The following ATAD5 variants were observed in gnomAD, a reference collection of about 807,000 sequenced individuals.
ATAD5 encodes ATPase family AAA domain-containing protein 5.
Under a neutral mutation model 176.9 loss-of-function variants are expected in ATAD5, and 58 were observed. That is an observed-to-expected ratio of 0.33 (90% CI 0.27 to 0.41). The LOEUF is 0.41. Among genes scored for constraint, ATAD5 ranks in the 10% least tolerant of loss-of-function variants. The probability of loss-of-function intolerance (pLI) is 1.00; values close to 1 mark genes in which losing one functional copy is unlikely to be tolerated. For synonymous variants in ATAD5, 640 were observed against 712.6 expected, an observed-to-expected ratio of 0.90 and a Z score of 1.62; for missense variants, 1,789 against 2,094.1, an observed-to-expected ratio of 0.85 and a Z score of 2.84.
intron 10 of ATAD5, chr17:30,863,839 A>C (rs1176507338): frequency 1.3e-5 from 2 of 151,574 alleles, no homozygotes; most frequent in Non-Finnish European, 2.9e-5. Context: ...TAATTTTTAT[A>C]TTTTTAGTAG....
At position 30,869,857 on chromosome 17, in the gene ATAD5, G is replaced by A. The variant is rs1908239773; in HGVS notation, c.3607+211G>A. 1.8e-5 allele frequency: 10 copies of A among 541,782 alleles called. No homozygotes were observed. In the South Asian group the frequency reaches 2.2e-4, roughly 12 times the overall value. The allele number at this position is 541,782 out of a possible 1,614,324, so 33.6% of individuals were successfully genotyped here. On this transcript the variant is annotated intron_variant, in intron 14 of 22. Coordinates refer to ENST00000321990, the MANE Select transcript of ATAD5 (RefSeq NM_024857.5). ...TCAATATTTATCTCTATCTGATAAG[G>A]ACTTTTAAAAAAGCATAACTATAAT...
chr17:30,845,021 T>G, intron 6 of ATAD5, 105 bp downstream of exon 6: 1 of 1,038,328 alleles, frequency 9.6e-7, no homozygotes, highest in Non-Finnish European at 1.4e-6. Context: ...TTTGAAGCTC[T>G]AGTAAGTCCA....
At chr17:30,866,554 C>T (rs1907995757) in intron 11 of ATAD5, among the ~76,000 whole-genome samples, 1 of 151,390 alleles carries the variant, frequency 6.6e-6, no homozygotes, top group Admixed American at 6.6e-5. Flanking sequence ...GTGGCTCACA[C>T]CTGTAATCCC....
chr17:30,887,775 C>T (rs1256238545), intron 19 of ATAD5, among the ~76,000 whole-genome samples: 1 of 152,060 alleles, frequency 6.6e-6, no homozygotes, highest in Admixed American at 6.5e-5. Context: ...ATGATTATGC[C>T]ACTGCACTCC....
In ATAD5 at chr17:30,855,225, T is replaced by G; in HGVS notation, c.2533T>G (p.Leu845Val). 2 of 1,614,114 alleles carry G rather than the reference T, an allele frequency of 1.2e-6. No individual in the cohort carries two copies. The highest frequency in any genetic ancestry group is 1.7e-6 in the Non-Finnish European group (2 of 1,179,998). The change falls in exon 7 of 23, where the codon TTG (leucine) becomes GTG (valine). Residue 845 changes from leucine (L) to valine (V), a missense_variant. This residue lies in a region of ATAD5 where 487 missense variants were observed against 573.6 expected (regional missense o/e 0.85). Transcript: ENST00000321990. ...CTTCCTAATGAGTGGTTTGCCAGAT[T>G]TGTTGAAACGGCAAATTGCAAAGAA... is the stretch of plus-strand genomic sequence containing the variant. The part of the protein sequence containing the change: ...RDFLMSGLPD[L>V]LKRQIAKKAA...
chr17:30,835,556 C>G lies in ATAD5; in HGVS notation c.1475C>G (p.Pro492Arg). Residue 492 changes from proline to arginine, a missense_variant, in exon 2 of 23, where the codon CCA becomes CGA. Coordinates refer to ENST00000321990, the MANE Select transcript of ATAD5 (RefSeq NM_024857.5). ...NKKTLDTGAI[P>R]GKNREGNTQK... ...AAAACATTAGATACTGGGGCTATTC[C>G]AGGCAAAAACAGAGAGGGAAACACT... 6.2e-7 allele frequency: 1 copy of G among 1,611,052 alleles called. No homozygotes were observed. Among genetic ancestry groups the G allele is most frequent in the Non-Finnish European group, 8.5e-7 (1 of 1,178,846 alleles).
chr17:30,888,408 G>A (rs910286677), intron 19 of ATAD5, among the ~76,000 whole-genome samples: 4 of 151,878 alleles, frequency 2.6e-5, no homozygotes, highest in African/African-American at 9.7e-5. Context: ...GCTGGGCATG[G>A]TGGTGCGTGT....
chr17:30,875,576 C>T (rs147036268), intron 14 of ATAD5, among the ~76,000 whole-genome samples: 4,081 of 151,836 alleles, frequency 0.027, 199 homozygotes, highest in African/African-American at 0.092. Context: ...GCAGGCGGAT[C>T]GCTTGAGCTC....
chr17:30,886,949 C>A (rs1272428767), intron 18 of ATAD5, among the ~76,000 whole-genome samples: 4 of 152,130 alleles, frequency 2.6e-5, no homozygotes, highest in Admixed American at 2.6e-4. Flanking sequence ...GTTGGAGAAT[C>A]TCCTATAAAA....
intron 5 of ATAD5, among the ~76,000 whole-genome samples, chr17:30,844,254 C>T (rs1487667452): frequency 6.6e-6 from 1 of 152,090 alleles, no homozygotes; most frequent in Non-Finnish European, 1.5e-5. Flanking sequence ...GCCTCAGCCT[C>T]CTGAGTAGCT....
intron 17 of ATAD5, among the ~76,000 whole-genome samples, chr17:30,878,726 T>TTGTTTTG (rs1567696521): frequency 9.0e-5 from 8 of 89,054 alleles, no homozygotes; most frequent in Non-Finnish European, 1.6e-4. Flanking sequence ...GTGTTTTTTT[T>TTGTTTTG]TTTTTTTTTT....
At position 30,834,306 on chromosome 17, in the gene ATAD5, G is replaced by T; in HGVS notation, c.225G>T (p.Lys75Asn). 3 of 1,613,310 alleles carry T rather than the reference G, an allele frequency of 1.9e-6. No homozygotes were observed. The highest frequency in any genetic ancestry group is 3.3e-4 in the Middle Eastern group (2 of 6,054). The change falls in exon 2 of 23, where the codon AAG (lysine) becomes AAT (asparagine). Residue 75 changes from lysine (K) to asparagine (N), a missense_variant. Coordinates refer to ENST00000321990, the MANE Select transcript of ATAD5 (RefSeq NM_024857.5). The stretch of plus-strand genomic sequence containing the variant: ...GAAAGACTTCACCCACAAATGAGAA[G>T]ACACAATTAGGGAAAGAGTGCAAGA... ...YFRKTSPTNE[K>N]TQLGKECKIK... is the part of the protein sequence containing the mutation.
In ATAD5 at chr17:30,834,866, T is replaced by G; in HGVS notation, c.785T>G (p.Ile262Arg). ...GAAGCAGCCCAGTTAAATGATAGTA[T>G]AATAACTGTCTCATATGAGGAATTT... The part of the protein sequence containing the change: ...VTEAAQLNDS[I>R]ITVSYEEFLK... The change falls in exon 2 of 23, where the codon ATA becomes AGA. Residue 262 changes from isoleucine to arginine, a missense_variant. Coordinates refer to ENST00000321990, the MANE Select transcript of ATAD5 (RefSeq NM_024857.5). 1.2e-6 allele frequency: 2 copies of G among 1,613,560 alleles called. No individual in the cohort carries two copies. The highest frequency in any genetic ancestry group is 2.7e-5 in the African/African-American group (2 of 75,028).
chr17:30,877,867 T>C (rs753841344), intron 16 of ATAD5, 136 bp from the exon 17 acceptor site: 8 of 688,946 alleles, frequency 1.2e-5, no homozygotes, highest in Non-Finnish European at 1.6e-5. Context: ...GTGTATGACA[T>C]AAACTTTCAA....
Position 30,874,843 on chromosome 17 carries a change from C to G in ATAD5, c.3608-1531C>G, listed in dbSNP as rs570744374. On this transcript the variant is annotated intron_variant, in intron 14 of 22. Transcript: ENST00000321990. ...ACACGGTTTCACCATGTTGGCCAGG[C>G]TGGTCTCAAACTTCTGACCTTGTGA... Among the ~76,000 whole-genome samples the G allele has an allele frequency of 2.6e-5, 4 of 151,902 alleles. No homozygotes were observed. In the East Asian group the frequency reaches 5.9e-4, roughly 22 times the overall value.
chr17:30,858,851 TATTTTTTA>T (rs1336693241), intron 9 of ATAD5, among the ~76,000 whole-genome samples: 1 of 152,222 alleles, frequency 6.6e-6, no homozygotes, highest in Non-Finnish European at 1.5e-5. Context: ...TAGCTTATTT[TATTTTTTA>T]ATTTTTACTT....
chr17:30,879,640 G>A (rs1000324783), intron 18 of ATAD5, among the ~76,000 whole-genome samples, 153 bp downstream of exon 18: 8 of 150,398 alleles, frequency 5.3e-5, no homozygotes, highest in African/African-American at 2.0e-4. Flanking sequence ...TTGGCTCACT[G>A]CAAGCTCCGC....
In ATAD5 at chr17:30,835,287, A is replaced by G. The variant is rs1381338566; in HGVS notation, c.1206A>G (p.Gln402=). ...KPKCTLEERQ[Q]FMKAFRQPAS... ...AATGCACTCTAGAAGAAAGACAGCA[A>G]TTTATGAAAGCATTTAGGCAGCCAG... The change falls in exon 2 of 23, where the codon CAA becomes CAG. Residue 402 remains glutamine, a synonymous_variant. Transcript: ENST00000321990. The G allele has an allele frequency of 6.2e-7, 1 of 1,614,128 alleles. No homozygotes were observed. Among genetic ancestry groups the G allele is most frequent in the Admixed American group, 1.7e-5 (1 of 60,006 alleles).
At position 30,860,627 on chromosome 17, in the gene ATAD5, A is replaced by C; in HGVS notation, c.3136+15A>C. 1 of 1,532,730 alleles carries C rather than the reference A, an allele frequency of 6.5e-7. No homozygotes were observed. The highest frequency in any genetic ancestry group is 8.7e-7 in the Non-Finnish European group (1 of 1,149,338). The allele number at this position is 1,532,730 out of a possible 1,614,324, so 94.9% of individuals were successfully genotyped here. ...TTCTTCCAAAGGTATATTTTCTAAA[A>C]CATCCCAAAAGAAATAGATTGCTTT... On this transcript the variant is annotated intron_variant, in intron 10 of 22. Coordinates refer to ENST00000321990, the MANE Select transcript of ATAD5 (RefSeq NM_024857.5).
Sources: gnomAD v4.1 joint callset for allele counts (sites outside exome capture counted in the v4.1 genomes callset) on GRCh38, gnomAD v4.1.1 for gene constraint, gnomAD v4.1.1 regional missense constraint, MANE v1.5 for transcripts, NCBI Gene and HGNC (gene_info 2026-07-23, HGNC 2026-07-21) for gene names.